The following SMAD3 variants were observed in gnomAD, a reference collection of about 807,000 sequenced individuals.
SMAD3 encodes the protein SMAD family member 3, also known as MAD homolog 3.
SMAD3 carries 12 observed loss-of-function variants against 51.8 expected under a neutral mutation model. That is an observed-to-expected ratio of 0.23 (90% CI 0.15 to 0.38). The LOEUF is 0.38. SMAD3 is among the 10% of genes least tolerant of loss of function. SMAD3 has a pLI of 1.00. For missense variants in SMAD3, 294 were observed against 565.6 expected (o/e 0.52, Z 4.87); for synonymous variants, 238 against 227.7 (o/e 1.05, Z -0.41).
chr15:67,192,105 TG>T lies in SMAD3; in HGVS notation c.*1571del. 3 of 232,732 alleles carry T rather than the reference TG, an allele frequency of 1.3e-5. No homozygotes were observed. The highest frequency in any genetic ancestry group is 2.6e-5 in the Non-Finnish European group (3 of 117,378). 14.4% of individuals were successfully genotyped at this position (232,732 alleles called of 1,614,324 possible). ...GCAGGAAAAATCAAGGGATTTCCTA[TG>T]GAAGTCCTGCTTTATTCCAGGTGAA... On this transcript the variant is annotated 3_prime_UTR_variant, in exon 9 of 9. Transcript: ENST00000327367.
intron 5 of SMAD3, among the ~76,000 whole-genome samples, chr15:67,175,725 T>C (rs1962873433): frequency 1.3e-5 from 2 of 152,184 alleles, no homozygotes; most frequent in Admixed American, 1.3e-4. Flanking sequence ...CTCTGCTTCA[T>C]GAGCCCCTGT....
At chr15:67,147,914 G>T (rs1962023714) in intron 1 of SMAD3, among the ~76,000 whole-genome samples, 1 of 152,192 alleles carries the variant, frequency 6.6e-6, no homozygotes, top group Non-Finnish European at 1.5e-5. Flanking sequence ...TGGCTTTTGT[G>T]TTTGCTTCTA....
chr15:67,193,013 A>C lies in SMAD3; in HGVS notation c.*2477A>C, dbSNP rs1043806470. The C allele has an allele frequency of 8.6e-6, 2 of 233,118 alleles. No individual in the cohort carries two copies. Among genetic ancestry groups the C allele is most frequent in the African/African-American group, 2.2e-5 (1 of 45,310 alleles). 14.4% of individuals were successfully genotyped at this position (233,118 alleles called of 1,614,324 possible). On this transcript the variant is annotated 3_prime_UTR_variant, in exon 9 of 9. Transcript: ENST00000327367. ...CCACCTGTGGCATCACTGAAAATAA[A>C]TTTGATCATACCTAAGAGGTTAGGA...
At chr15:67,096,064 TTCC>T (rs1241913130) in intron 1 of SMAD3, among the ~76,000 whole-genome samples, 1 of 152,196 alleles carries the variant, frequency 6.6e-6, no homozygotes. Flanking sequence ...TCCTGATGCT[TTCC>T]ATCTAACTGG....
chr15:67,080,618 T>C (rs577895866), intron 1 of SMAD3, among the ~76,000 whole-genome samples: 20 of 152,350 alleles, frequency 1.3e-4, no homozygotes, highest in Admixed American at 6.5e-4. Flanking sequence ...AAAGGGACTA[T>C]TGGCTGGGAG....
At chr15:67,127,254 C>T (rs1566977085) in intron 1 of SMAD3, among the ~76,000 whole-genome samples, 1 of 152,162 alleles carries the variant, frequency 6.6e-6, no homozygotes, top group Admixed American at 6.5e-5. Context: ...AACTGTCTAC[C>T]AGGTGTTTTG....
Position 67,190,848 on chromosome 15 carries a change from T to C in SMAD3, c.*312T>C, listed in dbSNP as rs1165459042. The C allele has an allele frequency of 4.5e-6, 2 of 439,608 alleles. No individual in the cohort carries two copies. The highest frequency in any genetic ancestry group is 1.9e-5 in the African/African-American group (1 of 51,640). The allele number at this position is 439,608 out of a possible 1,614,324, so 27.2% of individuals were successfully genotyped here. A position where few individuals can be genotyped will look rare whatever the true frequency, so the allele number is the denominator to read the frequency against. Reference sequence around the variant, plus strand: ...CACCGGCCCCCTCCCCCCAGACTCTTTTTTTGAGTGACAGCTTTCTGGGAT... The same window carrying C: ...CACCGGCCCCCTCCCCCCAGACTCTCTTTTTGAGTGACAGCTTTCTGGGAT... On this transcript the variant is annotated 3_prime_UTR_variant, in exon 9 of 9. Coordinates refer to ENST00000327367, the MANE Select transcript of SMAD3 (RefSeq NM_005902.4).
At chr15:67,136,977 C>A (rs1961681702) in intron 1 of SMAD3, among the ~76,000 whole-genome samples, 1 of 152,206 alleles carries the variant, frequency 6.6e-6, no homozygotes, top group Non-Finnish European at 1.5e-5. Context: ...ATGGGCAGGG[C>A]TGGGCATCTC....
chr15:67,091,916 G>C (rs976499586), intron 1 of SMAD3, among the ~76,000 whole-genome samples: 1 of 152,196 alleles, frequency 6.6e-6, no homozygotes, highest in African/African-American at 2.4e-5. Context: ...GGGAAGGTGA[G>C]GTGACCCAGA....
chr15:67,169,580 CTCAAGTAA>C (rs1962686793), intron 4 of SMAD3, among the ~76,000 whole-genome samples: 1 of 151,668 alleles, frequency 6.6e-6, no homozygotes, highest in South Asian at 2.1e-4. Flanking sequence ...ATCTCCTAGG[CTCAAGTAA>C]TTGTCCAGCC....
At chr15:67,167,913 G>C (rs1387419331) in intron 4 of SMAD3, among the ~76,000 whole-genome samples, 1 of 152,178 alleles carries the variant, frequency 6.6e-6, no homozygotes, top group Non-Finnish European at 1.5e-5. Flanking sequence ...ACACAGCAGA[G>C]CCACCTGCCC....
intron 5 of SMAD3, among the ~76,000 whole-genome samples, chr15:67,170,932 G>C (rs776834443): frequency 3.3e-5 from 5 of 152,222 alleles, no homozygotes; most frequent in African/African-American, 4.8e-5. Flanking sequence ...GTGCAGTTTG[G>C]TGCAAAGCCA....
Position 67,165,211 on chromosome 15 carries a change from G to A in SMAD3, c.401-42G>A, listed in dbSNP as rs369727793. On this transcript the variant is annotated intron_variant, in intron 2 of 8. Coordinates refer to ENST00000327367, the MANE Select transcript of SMAD3 (RefSeq NM_005902.4). ...GTGCGGGGACTTTGGTGCTGGTCTG[G>A]CATCGACACTGAGCCACCTCTGCTC... 3.2e-5 allele frequency: 52 copies of A among 1,613,966 alleles called. No homozygotes were observed. In the Admixed American group the frequency reaches 7.0e-4, roughly 22 times the overall value.
At chr15:67,084,872 A>G (rs1236699477) in intron 1 of SMAD3, among the ~76,000 whole-genome samples, 1 of 152,206 alleles carries the variant, frequency 6.6e-6, no homozygotes, top group Non-Finnish European at 1.5e-5. Flanking sequence ...AGATGTGGAA[A>G]CCAACAATCA....
chr15:67,074,675 CT>C (rs1221936303), intron 1 of SMAD3, among the ~76,000 whole-genome samples: 1 of 152,076 alleles, frequency 6.6e-6, no homozygotes, highest in East Asian at 1.9e-4. Context: ...TTGTTTGTTT[CT>C]TTATCTCTGT....
chr15:67,072,285 G>A (rs1960072366), intron 1 of SMAD3, among the ~76,000 whole-genome samples: 1 of 152,194 alleles, frequency 6.6e-6, no homozygotes, highest in Non-Finnish European at 1.5e-5. Flanking sequence ...TTGATGCACA[G>A]TACAGCCATT....
At chr15:67,109,630 A>AAC (rs1003865594) in intron 1 of SMAD3, among the ~76,000 whole-genome samples, 22 of 152,182 alleles carry the variant, frequency 1.4e-4, no homozygotes, top group Admixed American at 9.2e-4. Flanking sequence ...GAATAATTAA[A>AAC]ACACACACGC....
At chr15:67,176,718 G>A (rs1413482866) in intron 5 of SMAD3, among the ~76,000 whole-genome samples, 1 of 152,204 alleles carries the variant, frequency 6.6e-6, no homozygotes, top group Non-Finnish European at 1.5e-5. Context: ...AGGCTGGCAG[G>A]GGGCCAGCCA....
Position 67,102,993 on chromosome 15 carries a change from C to T in SMAD3, c.206+36633C>T, listed in dbSNP as rs530588607. ...CCAAAACAGGTCCCATCTCCTTAGT[C>T]TTAACTGTCTATGAATGGTCTGTTG... On this transcript the variant is annotated intron_variant, in intron 1 of 8. Transcript: ENST00000327367. 8.7e-4 allele frequency among the ~76,000 whole-genome samples: 132 copies of T among 152,288 alleles called. 1 individual carries two copies. Among genetic ancestry groups the T allele is most frequent in the African/African-American group, 3.1e-3 (127 of 41,554 alleles).
Sources: gnomAD v4.1 joint callset for allele counts (sites outside exome capture counted in the v4.1 genomes callset) on GRCh38, gnomAD v4.1.1 for gene constraint, MANE v1.5 for transcripts, NCBI Gene and HGNC (gene_info 2026-07-23, HGNC 2026-07-21) for gene names.